The following CSMD1 variants were observed in gnomAD, a reference collection of about 807,000 sequenced individuals.
CSMD1 encodes CUB and Sushi multiple domains 1.
CSMD1 carries 213 observed loss-of-function variants against 417.5 expected under a neutral mutation model. The ratio of observed to expected loss-of-function variants is 0.51; its 90% CI spans 0.46 to 0.57. The LOEUF is 0.57. Among genes scored for constraint, CSMD1 ranks in the 20% least tolerant of loss-of-function variants. CSMD1 has a pLI of 0.00. For missense variants in CSMD1, 6,923 were observed against 4,529.7 expected (o/e 1.53, Z -15.17); for synonymous variants, 2,862 against 1,736.8 (o/e 1.65, Z -16.11).
At chr8:4,837,794 G>A (rs62484642) in intron 1 of CSMD1, among the ~76,000 whole-genome samples, 1 of 151,996 alleles carries the variant, frequency 6.6e-6, no homozygotes, top group Non-Finnish European at 1.5e-5. Context: ...ATGCCGGCTG[G>A]GATGGATATA....
Position 4,026,660 on chromosome 8 carries a change from A to G in CSMD1, c.610+5245T>C, listed in dbSNP as rs1018633657. Among the ~76,000 whole-genome samples, 47 of 152,270 alleles carry G rather than the reference A, an allele frequency of 3.1e-4. 1 individual carries two copies. Among genetic ancestry groups the G allele is most frequent in the African/African-American group, 4.8e-5 (2 of 41,468 alleles). On this transcript the variant is annotated intron_variant, in intron 4 of 69. Coordinates refer to ENST00000635120, the MANE Select transcript of CSMD1 (RefSeq NM_033225.6). Reference sequence around the variant, plus strand: ...GAAGCTACAAGCTAACACCATTAAGATATTATGTCAAAATATAAAATAGCA... The same window carrying G: ...GAAGCTACAAGCTAACACCATTAAGGTATTATGTCAAAATATAAAATAGCA...
At chr8:3,794,343 A>T (rs755725034) in intron 5 of CSMD1, among the ~76,000 whole-genome samples, 9 of 152,184 alleles carry the variant, frequency 5.9e-5, no homozygotes, top group African/African-American at 2.2e-4. Context: ...CTGAGTAAAC[A>T]TATGTTTGCT....
rs1442355704 is a variant in CSMD1 at position 4,717,550 on chromosome 8, C to T, written c.86-79992G>A. Reference sequence around the variant, plus strand: ...CCTATCAATCTGTCTGTCTGTCTACCTATCTATCTATCTATCCATCCATCC... The same window carrying T: ...CCTATCAATCTGTCTGTCTGTCTACTTATCTATCTATCTATCCATCCATCC... On this transcript the variant is annotated intron_variant, in intron 1 of 69. Coordinates refer to ENST00000635120, the MANE Select transcript of CSMD1 (RefSeq NM_033225.6). Among the ~76,000 whole-genome samples, 4 of 108,548 alleles carry T rather than the reference C, an allele frequency of 3.7e-5. No individual in the cohort carries two copies. In the East Asian group the frequency reaches 9.6e-4, roughly 26 times the overall value. The allele number at this position is 108,548 out of a possible 152,430, so 71.2% of individuals were successfully genotyped here.
intron 3 of CSMD1, among the ~76,000 whole-genome samples, chr8:4,058,050 GT>G (rs982942850): frequency 2.6e-5 from 4 of 152,132 alleles, no homozygotes; most frequent in Non-Finnish European, 5.9e-5. Flanking sequence ...TTTTAAAGTA[GT>G]TTTTTCCAAT....
intron 36 of CSMD1, among the ~76,000 whole-genome samples, chr8:3,183,608 T>C (rs556053469): frequency 6.7e-6 from 1 of 150,028 alleles, no homozygotes; most frequent in Non-Finnish European, 1.5e-5. Flanking sequence ...CGAGTAGGTC[T>C]CTAATGTTTC....
intron 1 of CSMD1, among the ~76,000 whole-genome samples, chr8:4,943,411 G>C (rs1808151661): frequency 6.6e-6 from 1 of 151,942 alleles, no homozygotes; most frequent in Admixed American, 6.6e-5. Flanking sequence ...CAGGAGAATG[G>C]CGTGAACCCG....
chr8:4,841,358 G>C (rs1800825266), intron 1 of CSMD1, among the ~76,000 whole-genome samples: 1 of 152,100 alleles, frequency 6.6e-6, no homozygotes, highest in African/African-American at 2.4e-5. Context: ...TCTACAGTTT[G>C]GAACCACTGA....
rs182833989 is a variant in CSMD1 at position 4,594,543 on chromosome 8, G to A, written c.302+42799C>T. 2.6e-4 allele frequency among the ~76,000 whole-genome samples: 40 copies of A among 152,084 alleles called. No homozygotes were observed. The East Asian group carries it at 7.2e-3, about 27-fold the overall frequency. ...AATAAGGTCACATTCTGAGTTATTG[G>A]GATTTAGGAATTTGATGTGTGCGTT... On this transcript the variant is annotated intron_variant, in intron 2 of 69. Coordinates refer to ENST00000635120, the MANE Select transcript of CSMD1 (RefSeq NM_033225.6).
At chr8:3,859,243 G>A (rs1167753087) in intron 5 of CSMD1, among the ~76,000 whole-genome samples, 2 of 152,146 alleles carry the variant, frequency 1.3e-5, no homozygotes, top group Non-Finnish European at 2.9e-5. Context: ...TCAAGTGAAC[G>A]CCATTCAATC....
chr8:4,114,610 G>C (rs928344670), intron 3 of CSMD1, among the ~76,000 whole-genome samples: 3 of 152,086 alleles, frequency 2.0e-5, no homozygotes, highest in African/African-American at 4.8e-5. Context: ...CGATGGACTT[G>C]GTCAAAATAA....
At chr8:3,617,148 TAG>T (rs967928365) in intron 7 of CSMD1, among the ~76,000 whole-genome samples, 36 of 152,160 alleles carry the variant, frequency 2.4e-4, no homozygotes, top group African/African-American at 8.0e-4. Context: ...CGCATACACT[TAG>T]AGAGAAGAAA....
intron 2 of CSMD1, among the ~76,000 whole-genome samples, chr8:4,451,135 C>G (rs574382040): frequency 6.6e-6 from 1 of 151,992 alleles, no homozygotes; most frequent in Non-Finnish European, 1.5e-5. Flanking sequence ...CCAGACTAGC[C>G]TGGGCAACAC....
At chr8:3,967,468 A>G (rs200922721) in intron 5 of CSMD1, among the ~76,000 whole-genome samples, 1 of 129,726 alleles carries the variant, frequency 7.7e-6, no homozygotes, top group Admixed American at 7.9e-5. Context: ...AAAAAAAAAA[A>G]AACAGATGGA....
intron 5 of CSMD1, among the ~76,000 whole-genome samples, chr8:3,784,753 A>T (rs1332542675): frequency 6.6e-6 from 1 of 152,230 alleles, no homozygotes; most frequent in African/African-American, 2.4e-5. Flanking sequence ...ATGACTAAGT[A>T]AAATAAGATA....
At chr8:3,514,696 A>T (rs566012845) in intron 10 of CSMD1, among the ~76,000 whole-genome samples, 1 of 152,276 alleles carries the variant, frequency 6.6e-6, no homozygotes, top group South Asian at 2.1e-4. Context: ...TCTTTTGTTA[A>T]TATCATTTGA....
intron 8 of CSMD1, among the ~76,000 whole-genome samples, chr8:3,596,020 G>A (rs1388972458): frequency 6.6e-6 from 1 of 151,776 alleles, no homozygotes; most frequent in Non-Finnish European, 1.5e-5. Context: ...TCAGGGCTTT[G>A]AGGAGAGCAA....
chr8:3,792,279 A>T (rs2720787), intron 5 of CSMD1, among the ~76,000 whole-genome samples: 151,792 of 152,100 alleles, frequency 1, 75,743 homozygotes, highest in Non-Finnish European at 1. Context: ...GGTGACAGAG[A>T]GAGACCTGGT....
At chr8:4,015,655 G>C (rs1480856728) in intron 4 of CSMD1, among the ~76,000 whole-genome samples, 2 of 66,458 alleles carry the variant, frequency 3.0e-5, no homozygotes, top group Non-Finnish European at 5.7e-5. Flanking sequence ...AAATCAGTTT[G>C]AATCTTAAAA....
intron 41 of CSMD1, among the ~76,000 whole-genome samples, chr8:3,125,834 G>A (rs188032848): frequency 1.3e-5 from 2 of 152,222 alleles, no homozygotes; most frequent in African/African-American, 4.8e-5. Flanking sequence ...AAAATTAGCT[G>A]GGCGTGGTAG....
Sources: allele counts gnomAD v4.1 joint callset (sites outside exome capture counted in the v4.1 genomes callset), GRCh38; gene constraint gnomAD v4.1.1; transcripts MANE v1.5; gene names NCBI Gene and HGNC (gene_info 2026-07-23, HGNC 2026-07-21).